Variants in FNIP1 observed in about 807,000 individuals in gnomAD.
FNIP1 encodes the protein folliculin interacting protein 1, also known as folliculin-interacting protein 1.
Under a neutral mutation model 124.5 loss-of-function variants are expected in FNIP1, and 40 were observed. The ratio of observed to expected loss-of-function variants is 0.32; its 90% CI spans 0.25 to 0.42. FNIP1 has a LOEUF of 0.42. Ranked by LOEUF, FNIP1 falls within the 10% of genes least tolerant of loss-of-function variation. The probability of loss-of-function intolerance (pLI) is 1.00; values close to 1 mark genes in which losing one functional copy is unlikely to be tolerated. For missense variants in FNIP1, 1,176 were observed against 1,403.7 expected, an observed-to-expected ratio of 0.84 and a Z score of 2.59; for synonymous variants, 472 against 470.6, an observed-to-expected ratio of 1.00 and a Z score of -0.04.
chr5:131,660,768 A>G (rs1767404914), intron 15 of FNIP1, among the ~76,000 whole-genome samples: 1 of 152,086 alleles, frequency 6.6e-6, no homozygotes, highest in South Asian at 2.1e-4. Flanking sequence ...ATCTGGGATC[A>G]CCCTTGTGGC....
At chr5:131,729,462 C>A (rs1045583835) in intron 3 of FNIP1, among the ~76,000 whole-genome samples, 1 of 152,208 alleles carries the variant, frequency 6.6e-6, no homozygotes, top group African/African-American at 2.4e-5. Context: ...GTTCTAACTT[C>A]CCAGCAGCTT....
intron 3 of FNIP1, among the ~76,000 whole-genome samples, chr5:131,725,975 T>C (rs527772748): frequency 6.6e-6 from 1 of 152,362 alleles, no homozygotes; most frequent in Non-Finnish European, 1.5e-5. Context: ...TCATTGGTTC[T>C]GTTCATGTGA....
At chr5:131,734,240 C>T (rs1298860692) in intron 2 of FNIP1, among the ~76,000 whole-genome samples, 1 of 151,996 alleles carries the variant, frequency 6.6e-6, no homozygotes, top group Non-Finnish European at 1.5e-5. Flanking sequence ...GTCGTGCTAG[C>T]GGTTTATCAA....
At chr5:131,703,399 C>G (rs75643675) in intron 10 of FNIP1, among the ~76,000 whole-genome samples, 198 of 152,310 alleles carry the variant, frequency 1.3e-3, no homozygotes, top group African/African-American at 4.3e-3. Flanking sequence ...CACTGAAAAC[C>G]CTCCAATGGT....
intron 1 of FNIP1, among the ~76,000 whole-genome samples, chr5:131,782,943 G>A (rs145488594): frequency 1.8e-4 from 28 of 152,336 alleles, no homozygotes; most frequent in East Asian, 1.5e-3. Context: ...GATTACAGGC[G>A]TGAGCCACCG....
At chr5:131,779,277 T>C (rs1177109558) in intron 1 of FNIP1, among the ~76,000 whole-genome samples, 1 of 151,892 alleles carries the variant, frequency 6.6e-6, no homozygotes, top group Non-Finnish European at 1.5e-5. Flanking sequence ...TCTGAGACAA[T>C]CAAGGAAAAC....
intron 15 of FNIP1, among the ~76,000 whole-genome samples, chr5:131,668,896 T>G (rs1767674750): frequency 6.6e-6 from 1 of 152,204 alleles, no homozygotes; most frequent in Non-Finnish European, 1.5e-5. Flanking sequence ...TAATCCTTGA[T>G]GTATATGGGC....
intron 10 of FNIP1, among the ~76,000 whole-genome samples, chr5:131,701,045 T>A (rs932871167): frequency 2.6e-5 from 4 of 152,124 alleles, no homozygotes; most frequent in African/African-American, 9.7e-5. Flanking sequence ...CTGTCAGGAA[T>A]TGGGTCGAGC....
In FNIP1 at chr5:131,671,721, G is replaced by GT; in HGVS notation, c.2722dup (p.Thr908AsnfsTer11). 1 of 1,614,150 alleles carries GT rather than the reference G, an allele frequency of 6.2e-7. No individual in the cohort carries two copies. The highest frequency in any genetic ancestry group is 8.5e-7 in the Non-Finnish European group (1 of 1,180,020). On this transcript the variant is annotated frameshift_variant, in exon 14 of 18. Coordinates refer to ENST00000510461, the MANE Select transcript of FNIP1 (RefSeq NM_133372.3). LOFTEE classifies it high-confidence loss of function. Reference sequence around the variant, plus strand: ...CCCATGGGGGACAAGAATGGAGAGTGTATCTCTTTGGTCCTGCTGAGGAAA... The same window carrying GT: ...CCCATGGGGGACAAGAATGGAGAGTGTTATCTCTTTGGTCCTGCTGAGGAAA...
intron 1 of FNIP1, among the ~76,000 whole-genome samples, chr5:131,784,484 A>C (rs1007964778): frequency 6.6e-6 from 1 of 152,162 alleles, no homozygotes; most frequent in African/African-American, 2.4e-5. Flanking sequence ...ATCAGGAAAT[A>C]ATAAATAAAT....
chr5:131,660,406 G>T (rs1767389158), intron 15 of FNIP1, among the ~76,000 whole-genome samples: 1 of 152,056 alleles, frequency 6.6e-6, no homozygotes. Context: ...ATCTTTCCAG[G>T]TTTTTTGCAT....
At chr5:131,706,205 T>C (rs550804071) in intron 9 of FNIP1, among the ~76,000 whole-genome samples, 14 of 152,300 alleles carry the variant, frequency 9.2e-5, no homozygotes, top group African/African-American at 2.9e-4. Context: ...TTTAAACAAA[T>C]GTCACTGAAC....
At chr5:131,705,229 G>C (rs529581510) in intron 9 of FNIP1, among the ~76,000 whole-genome samples, 2 of 151,990 alleles carry the variant, frequency 1.3e-5, no homozygotes, top group South Asian at 4.2e-4. Flanking sequence ...CTAGCACTTT[G>C]GGAGGCTGAG....
rs747511392 is a variant in FNIP1 at position 131,672,172 on chromosome 5, A to T, written c.2272T>A (p.Ser758Thr). 1.2e-6 allele frequency: 2 copies of T among 1,614,108 alleles called. No homozygotes were observed. Among genetic ancestry groups the T allele is most frequent in the African/African-American group, 2.7e-5 (2 of 74,938 alleles). Residue 758 changes from serine (S) to threonine (T), a missense_variant, in exon 14 of 18, where the codon TCT becomes ACT. Around this residue, in one of 2 missense-constraint regions of FNIP1, gnomAD observed 1,109 missense variants for 1,288.5 expected, o/e 0.86. Transcript: ENST00000510461. ...TCAGTATCTGAATCAGGTGACATAG[A>T]ATCCCCAATCAGGAAAGTAACCTTT... ...QTKVTFLIGD[S>T]MSPDSDTELR...
intron 1 of FNIP1, among the ~76,000 whole-genome samples, chr5:131,772,618 T>C (rs1391300916): frequency 6.6e-6 from 1 of 152,122 alleles, no homozygotes. Flanking sequence ...CTTACCTTAA[T>C]AGCTCTATGT....
chr5:131,641,991 A>G lies in FNIP1; in HGVS notation c.*2694T>C, dbSNP rs1322394994. 6.5e-6 allele frequency: 1 copy of G among 152,788 alleles called. No homozygotes were observed. The highest frequency in any genetic ancestry group is 2.4e-5 in the African/African-American group (1 of 41,466). The allele number at this position is 152,788 out of a possible 1,614,324, so 9.5% of individuals were successfully genotyped here. ...GTTTTTATTGCACTTAACATTTTCA[A>G]ACTCAAAATTAAGACATATTAATAA... On this transcript the variant is annotated 3_prime_UTR_variant, in exon 18 of 18. Coordinates refer to ENST00000510461, the MANE Select transcript of FNIP1 (RefSeq NM_133372.3).
Position 131,709,184 on chromosome 5 carries a change from C to T in FNIP1, c.778+17G>A. 1 of 1,608,142 alleles carries T rather than the reference C, an allele frequency of 6.2e-7. No homozygotes were observed. The highest frequency in any genetic ancestry group is 8.5e-7 in the Non-Finnish European group (1 of 1,175,642). ...CAGTAATCTCATAAAAAACTGAATA[C>T]AAGAACGTGACATTACCAGACCGTG... On this transcript the variant is annotated intron_variant, in intron 8 of 17. Coordinates refer to ENST00000510461, the MANE Select transcript of FNIP1 (RefSeq NM_133372.3).
chr5:131,755,048 T>C (rs1218163025), intron 1 of FNIP1, among the ~76,000 whole-genome samples: 3 of 151,896 alleles, frequency 2.0e-5, no homozygotes, highest in African/African-American at 7.3e-5. Flanking sequence ...GGGAGTAAGT[T>C]TGGGATAAGG....
intron 2 of FNIP1, among the ~76,000 whole-genome samples, chr5:131,738,892 T>C (rs1489133674): frequency 1.3e-5 from 2 of 151,208 alleles, no homozygotes; most frequent in East Asian, 2.0e-4. Flanking sequence ...TCCTGGCTCA[T>C]TGCAACCTCC....
Sources: gnomAD v4.1 joint callset for allele counts (sites outside exome capture counted in the v4.1 genomes callset) on GRCh38, gnomAD v4.1.1 for gene constraint, gnomAD v4.1.1 regional missense constraint, MANE v1.5 for transcripts, NCBI Gene and HGNC (gene_info 2026-07-23, HGNC 2026-07-21) for gene names.